The following MUCL1 variants were observed in gnomAD, a reference collection of about 807,000 sequenced individuals.
The protein encoded by MUCL1 is mucin like 1.
Under a neutral mutation model 9.2 loss-of-function variants are expected in MUCL1, and 11 were observed. The observed-to-expected ratio is 1.19, with a 90% confidence interval of 0.75 to 1.97. MUCL1 has a LOEUF of 1.97. MUCL1 is among the 30% of genes most tolerant of loss of function. The pLI is 0.00. For synonymous variants in MUCL1, 48 were observed against 40.5 expected, an observed-to-expected ratio of 1.19 and a Z score of -0.71; for missense variants, 144 against 110.9, an observed-to-expected ratio of 1.30 and a Z score of -1.34.
chr12:54,842,099 A>G (rs1959215303), intron 1 of MUCL1, among the ~76,000 whole-genome samples: 1 of 152,140 alleles, frequency 6.6e-6, no homozygotes, highest in Non-Finnish European at 1.5e-5. Context: ...TTCAATCTAT[A>G]AATTACTTTG....
chr12:54,836,671 T>G (rs537468647), upstream of MUCL1, among the ~76,000 whole-genome samples: 1 of 152,196 alleles, frequency 6.6e-6, no homozygotes, highest in Non-Finnish European at 1.5e-5. Flanking sequence ...AGTGTGATGT[T>G]AGGTTGTCAA....
chr12:54,835,401 C>A (rs150785148), upstream of MUCL1, among the ~76,000 whole-genome samples: 1 of 151,992 alleles, frequency 6.6e-6, no homozygotes, highest in Non-Finnish European at 1.5e-5. Flanking sequence ...CTTTTCACCA[C>A]CTCTACACCA....
chr12:54,858,140 C>T, intron 3 of MUCL1, 53 bp from the exon 4 acceptor site: 1 of 1,602,758 alleles, frequency 6.2e-7, no homozygotes, highest in Admixed American at 1.7e-5. Context: ...AGAATAAATC[C>T]ACATTCTTCA....
At position 54,856,829 on chromosome 12, in the gene MUCL1, A is replaced by T. The variant is rs1318740988; in HGVS notation, c.160A>T (p.Thr54Ser). The stretch of plus-strand genomic sequence containing the variant: ...AACCACTGCTGCTGCAACCACTGCA[A>T]CCACTGCTGCTCCTACCACTGCAAC... ...AETTAAATTA[T>S]TAAPTTATTA... Residue 54 changes from threonine to serine, a missense_variant, in exon 3 of 4, where the codon ACC (threonine) becomes TCC (serine). Physicochemically the swap from Thr to Ser is moderately conservative, Grantham distance 58. Coordinates refer to ENST00000308796, the MANE Select transcript of MUCL1 (RefSeq NM_058173.3). 1.9e-6 allele frequency: 3 copies of T among 1,612,802 alleles called. No individual in the cohort carries two copies. The highest frequency in any genetic ancestry group is 2.5e-6 in the Non-Finnish European group (3 of 1,179,112).
At chr12:54,856,245 A>T (rs1371651300) in intron 2 of MUCL1, among the ~76,000 whole-genome samples, 1 of 149,804 alleles carries the variant, frequency 6.7e-6, no homozygotes, top group East Asian at 2.0e-4. Context: ...TCATTCTAGA[A>T]CCTGATAGAA....
chr12:54,853,924 T>C (rs1474147139), upstream of MUCL1, among the ~76,000 whole-genome samples: 1 of 152,244 alleles, frequency 6.6e-6, no homozygotes, highest in Non-Finnish European at 1.5e-5. Context: ...CTCCTTGATT[T>C]TGAATTTTTA....
At chr12:54,837,126 G>T (rs1449756497), upstream of MUCL1, among the ~76,000 whole-genome samples, 1 of 152,040 alleles carries the variant, frequency 6.6e-6, no homozygotes, top group Non-Finnish European at 1.5e-5. Flanking sequence ...TAAGTCCAGT[G>T]TTTCTTTGTT....
chr12:54,834,465 T>C (rs1174397464), upstream of MUCL1, among the ~76,000 whole-genome samples: 1 of 152,100 alleles, frequency 6.6e-6, no homozygotes, highest in East Asian at 1.9e-4. Flanking sequence ...TGCAATTTTA[T>C]TGTATTTTAT....
At chr12:54,855,368 G>A (rs1868291043) in intron 2 of MUCL1, 2 of 564,700 alleles carry the variant, frequency 3.5e-6, no homozygotes, top group South Asian at 2.2e-5. Flanking sequence ...ATGAAATCTA[G>A]GCCATAGACT....
Position 54,854,692 on chromosome 12 carries a change from T to C in MUCL1, c.58+52T>C, listed in dbSNP as rs773104746. ...AAGTTTTGTGGGAATATACATAAAA[T>C]ATCTCCTCTAAAGATGTGGGCTTAT... On this transcript the variant is annotated intron_variant, in intron 1 of 3. Coordinates refer to ENST00000308796, the MANE Select transcript of MUCL1 (RefSeq NM_058173.3). 1.2e-5 allele frequency: 18 copies of C among 1,497,468 alleles called. No homozygotes were observed. The East Asian group carries it at 3.6e-4, about 30-fold the overall frequency. The allele number at this position is 1,497,468 out of a possible 1,614,324, so 92.8% of individuals were successfully genotyped here. A position where few individuals can be genotyped will look rare whatever the true frequency, so the allele number is the denominator to read the frequency against.
chr12:54,852,730 G>C (rs912806924), upstream of MUCL1, among the ~76,000 whole-genome samples: 14 of 152,276 alleles, frequency 9.2e-5, no homozygotes, highest in African/African-American at 3.4e-4. Context: ...TCTCCTAGAA[G>C]ACCCTTCAAT....
intron 1 of MUCL1, among the ~76,000 whole-genome samples, chr12:54,849,437 A>C (rs1565777247): frequency 6.6e-6 from 1 of 152,110 alleles, no homozygotes; most frequent in Non-Finnish European, 1.5e-5. Context: ...TCTTATGTAT[A>C]CTTCTATTTT....
intron 1 of MUCL1, among the ~76,000 whole-genome samples, 155 bp downstream of exon 1, chr12:54,854,795 G>T (rs1032500842): frequency 1.3e-5 from 2 of 152,168 alleles, no homozygotes; most frequent in African/African-American, 4.8e-5. Context: ...GATGGAGATG[G>T]TTATCCTTAG....
intron 1 of MUCL1, among the ~76,000 whole-genome samples, chr12:54,841,444 A>G (rs556296906): frequency 2.0e-5 from 3 of 152,178 alleles, no homozygotes; most frequent in African/African-American, 4.8e-5. Flanking sequence ...GGTTGTACCA[A>G]TTTTCACTCC....
upstream of MUCL1, among the ~76,000 whole-genome samples, chr12:54,836,979 T>A (rs888944712): frequency 6.6e-6 from 1 of 152,324 alleles, no homozygotes; most frequent in East Asian, 1.9e-4. Flanking sequence ...TAAAATATAT[T>A]GACTTGTTTT....
At chr12:54,839,291 GT>G, upstream of MUCL1, 1 of 687,770 alleles carries the variant, frequency 1.5e-6, no homozygotes, top group African/African-American at 1.8e-5. Flanking sequence ...GATTGGAATG[GT>G]GGGGGTGTCT....
chr12:54,853,593 C>A (rs1868272022), upstream of MUCL1, among the ~76,000 whole-genome samples: 1 of 152,226 alleles, frequency 6.6e-6, no homozygotes, highest in South Asian at 2.1e-4. Context: ...TCAGTAATGC[C>A]TTTTTTGGTC....
At chr12:54,831,980 A>T (rs67970496) in intron 1 of MUCL1, among the ~76,000 whole-genome samples, 5 of 152,030 alleles carry the variant, frequency 3.3e-5, no homozygotes, top group South Asian at 4.1e-4. Flanking sequence ...CTTCATCAAA[A>T]GTTTTCAGGG....
intron 1 of MUCL1, among the ~76,000 whole-genome samples, chr12:54,848,714 AC>A (rs1269609422): frequency 1.3e-5 from 2 of 152,200 alleles, no homozygotes; most frequent in Non-Finnish European, 2.9e-5. Context: ...AGTTAACATA[AC>A]AAATATTGCT....
Sources: gnomAD v4.1 joint callset for allele counts (sites outside exome capture counted in the v4.1 genomes callset) on GRCh38, gnomAD v4.1.1 for gene constraint, MANE v1.5 for transcripts, NCBI Gene and HGNC (gene_info 2026-07-23, HGNC 2026-07-21) for gene names.